MYRIP: variants seen among roughly 807,000 people sequenced by gnomAD.
MYRIP encodes the protein myosin VIIA and Rab interacting protein, also known as rab effector MyRIP.
A neutral mutation model predicts 98.0 loss-of-function variants in MYRIP; 49 were observed. That is an observed-to-expected ratio of 0.50 (90% CI 0.40 to 0.63). MYRIP has a LOEUF of 0.63. MYRIP is among the 30% of genes least tolerant of loss of function. The probability of loss-of-function intolerance (pLI) is 0.00; values close to 1 mark genes in which losing one functional copy is unlikely to be tolerated. For missense variants in MYRIP, 1,004 were observed against 1,058.2 expected, an observed-to-expected ratio of 0.95 and a Z score of 0.71; for synonymous variants, 404 against 409.5, an observed-to-expected ratio of 0.99 and a Z score of 0.16.
At chr3:39,999,753 A>G (rs1946469702) in intron 2 of MYRIP, among the ~76,000 whole-genome samples, 1 of 152,174 alleles carries the variant, frequency 6.6e-6, no homozygotes, top group African/African-American at 2.4e-5. Context: ...ACTATTCACG[A>G]TAGCAAAGAC....
At chr3:39,907,016 CAGAT>C (rs1943895519) in intron 2 of MYRIP, among the ~76,000 whole-genome samples, 1 of 152,100 alleles carries the variant, frequency 6.6e-6, no homozygotes, top group East Asian at 1.9e-4. Flanking sequence ...CTGTGTGACT[CAGAT>C]AGAGGAGGCC....
At chr3:39,862,337 G>T (rs887215839) in intron 1 of MYRIP, among the ~76,000 whole-genome samples, 2 of 152,174 alleles carry the variant, frequency 1.3e-5, no homozygotes, top group South Asian at 2.1e-4. Flanking sequence ...CCTGAAGGGA[G>T]TGCTAAATAT....
At chr3:39,967,549 G>A (rs190365198) in intron 2 of MYRIP, among the ~76,000 whole-genome samples, 10 of 152,234 alleles carry the variant, frequency 6.6e-5, no homozygotes, top group Admixed American at 1.3e-4. Flanking sequence ...ATAAATATTT[G>A]CATGTATGTC....
At chr3:40,035,774 A>T (rs1013445200) in intron 2 of MYRIP, among the ~76,000 whole-genome samples, 1 of 152,032 alleles carries the variant, frequency 6.6e-6, no homozygotes, top group Non-Finnish European at 1.5e-5. Context: ...AATAATTTTT[A>T]AAAGAAGGTA....
intron 2 of MYRIP, among the ~76,000 whole-genome samples, chr3:40,034,676 G>T (rs546378854): frequency 6.7e-6 from 1 of 150,026 alleles, no homozygotes; most frequent in South Asian, 2.1e-4. Context: ...GATTCCTCAG[G>T]GATCTAGAAC....
At chr3:39,889,533 G>T (rs1286938647) in intron 1 of MYRIP, among the ~76,000 whole-genome samples, 6 of 152,116 alleles carry the variant, frequency 3.9e-5, no homozygotes, top group Non-Finnish European at 8.8e-5. Flanking sequence ...CCGTTGTGGG[G>T]TGGGGGTAGG....
chr3:40,247,918 T>C (rs1295394234), intron 13 of MYRIP, among the ~76,000 whole-genome samples: 1 of 152,250 alleles, frequency 6.6e-6, no homozygotes, highest in Non-Finnish European at 1.5e-5. Flanking sequence ...GTCCTTAACT[T>C]GCATGGCATG....
At chr3:39,957,586 A>G (rs958395546) in intron 2 of MYRIP, among the ~76,000 whole-genome samples, 3 of 152,188 alleles carry the variant, frequency 2.0e-5, no homozygotes, top group Admixed American at 6.5e-5. Context: ...TGAAAGGGCA[A>G]AAACTGGAAG....
At chr3:39,988,178 A>G (rs1051139016) in intron 2 of MYRIP, among the ~76,000 whole-genome samples, 8 of 151,950 alleles carry the variant, frequency 5.3e-5, no homozygotes. Flanking sequence ...GGGAAGGGGG[A>G]AAGGATAGCA....
chr3:40,121,384 T>C (rs1226700059), intron 3 of MYRIP, among the ~76,000 whole-genome samples: 1 of 152,142 alleles, frequency 6.6e-6, no homozygotes, highest in Non-Finnish European at 1.5e-5. Context: ...TCCCACCCCT[T>C]TCTGGCAAGC....
intron 1 of MYRIP, among the ~76,000 whole-genome samples, chr3:39,857,947 C>T (rs193042498): frequency 2.0e-5 from 3 of 152,144 alleles, no homozygotes; most frequent in Non-Finnish European, 2.9e-5. Flanking sequence ...CATCAAATTG[C>T]AAAGGCATGC....
chr3:40,029,124 G>C (rs962953201), intron 2 of MYRIP, among the ~76,000 whole-genome samples: 3 of 152,040 alleles, frequency 2.0e-5, no homozygotes, highest in African/African-American at 7.2e-5. Flanking sequence ...CTGAGATATC[G>C]ATATAAGCCA....
intron 1 of MYRIP, among the ~76,000 whole-genome samples, chr3:39,849,470 G>A (rs139505115): frequency 2.6e-5 from 4 of 152,286 alleles, no homozygotes; most frequent in East Asian, 1.9e-4. Context: ...TCCGGTCCAC[G>A]GGATGTGATG....
At chr3:39,907,760 A>G (rs1429739775) in intron 2 of MYRIP, among the ~76,000 whole-genome samples, 2 of 152,174 alleles carry the variant, frequency 1.3e-5, no homozygotes, top group East Asian at 3.9e-4. Flanking sequence ...ATGAAGAAAC[A>G]CGCTCAGAGG....
intron 2 of MYRIP, among the ~76,000 whole-genome samples, chr3:40,029,829 G>A (rs1225374164): frequency 1.3e-5 from 2 of 152,082 alleles, no homozygotes; most frequent in Non-Finnish European, 2.9e-5. Context: ...GGAAGCTGAG[G>A]TAGGAAGATT....
chr3:40,233,788 C>T, intron 11 of MYRIP, 71 bp from the exon 12 acceptor site: 1 of 1,395,608 alleles, frequency 7.2e-7, no homozygotes, highest in Non-Finnish European at 1.0e-6. Context: ...GTCATGATAA[C>T]ATAGAATTTC....
rs543801727 is a variant in MYRIP, at chr3:40,196,891, T to C, written c.1665+6428T>C. ...GTTAGGAGATGCAAAAGTACATCTG[T>C]CATCTCACTCTCTGCTAGATGCTTC... On this transcript the variant is annotated intron_variant, in intron 10 of 16. Coordinates refer to ENST00000302541, the MANE Select transcript of MYRIP (RefSeq NM_015460.4). Among the ~76,000 whole-genome samples, 3 of 152,324 alleles carry C rather than the reference T, an allele frequency of 2.0e-5. No individual in the cohort carries two copies. The South Asian group carries it at 6.2e-4, about 32-fold the overall frequency.
chr3:39,912,342 T>C (rs1944042061), intron 2 of MYRIP, among the ~76,000 whole-genome samples: 1 of 152,144 alleles, frequency 6.6e-6, no homozygotes, highest in East Asian at 1.9e-4. Flanking sequence ...AGTACTAGAA[T>C]AATACGAAAA....
chr3:40,210,210 C>T (rs775662312), intron 11 of MYRIP, 117 bp downstream of exon 11: 49 of 1,297,886 alleles, frequency 3.8e-5, no homozygotes, highest in Non-Finnish European at 4.9e-5. Context: ...TCTAAAATGC[C>T]CATCCCTGTG....
Sources: allele counts gnomAD v4.1 joint callset (sites outside exome capture counted in the v4.1 genomes callset), GRCh38; gene constraint gnomAD v4.1.1; transcripts MANE v1.5; gene names NCBI Gene and HGNC (gene_info 2026-07-23, HGNC 2026-07-21).